Variants in POU2F1 observed in about 807,000 individuals in gnomAD.
The protein encoded by POU2F1 is POU domain, class 2, transcription factor 1.
A neutral mutation model predicts 84.9 loss-of-function variants in POU2F1; 16 were observed. The observed-to-expected ratio is 0.19, with a 90% CI of 0.13 to 0.29. The LOEUF is 0.29. POU2F1 is among the 10% of genes least tolerant of loss of function. The pLI is 1.00. For missense variants in POU2F1, 738 were observed against 942.6 expected, an observed-to-expected ratio of 0.78 and a Z score of 2.84; for synonymous variants, 368 against 368.3, an observed-to-expected ratio of 1.00 and a Z score of 0.01.
At chr1:167,411,889 G>T in intron 13 of POU2F1, 70 bp from the exon 14 acceptor site, 21 of 1,401,960 alleles carry the variant, frequency 1.5e-5, no homozygotes, top group Non-Finnish European at 2.1e-5. Context: ...ATAGAGTTTG[G>T]CTGAGTAAAG....
intron 1 of POU2F1, among the ~76,000 whole-genome samples, chr1:167,307,713 G>GA (rs1391111726): frequency 2.6e-5 from 4 of 152,018 alleles, no homozygotes; most frequent in African/African-American, 4.8e-5. Flanking sequence ...ATAAAACTCA[G>GA]AAAATTAACA....
chr1:167,357,224 T>G (rs1311523456), intron 2 of POU2F1, among the ~76,000 whole-genome samples: 1 of 152,246 alleles, frequency 6.6e-6, no homozygotes, highest in Admixed American at 6.5e-5. Flanking sequence ...CCCCCTTATC[T>G]TCTTCTTAAT....
intron 2 of POU2F1, among the ~76,000 whole-genome samples, chr1:167,363,567 G>A (rs1405325033): frequency 6.6e-6 from 1 of 152,098 alleles, no homozygotes; most frequent in Non-Finnish European, 1.5e-5. Context: ...TGACTAGAAT[G>A]TCTCGTTGTG....
chr1:167,421,395 A>G lies in POU2F1; in HGVS notation c.*5585A>G, dbSNP rs1224474317. 2.6e-5 allele frequency: 4 copies of G among 152,242 alleles called. No homozygotes were observed. Among genetic ancestry groups the G allele is most frequent in the Non-Finnish European group, 5.9e-5 (4 of 68,042 alleles). The allele number at this position is 152,242 out of a possible 1,614,324, so 9.4% of individuals were successfully genotyped here. A position where few individuals can be genotyped will look rare whatever the true frequency, so the allele number is the denominator to read the frequency against. ...ATAGGACACCCCTGAGATTTCCAGTAAGGTATTTGAAAGGATTCCACTGGG... is the reference window on the plus strand; with the variant it reads ...ATAGGACACCCCTGAGATTTCCAGTGAGGTATTTGAAAGGATTCCACTGGG... On this transcript the variant is annotated 3_prime_UTR_variant, in exon 16 of 16. Transcript: ENST00000367866.
chr1:167,234,944 A>G (rs1006608383), intron 1 of POU2F1, among the ~76,000 whole-genome samples: 4 of 152,188 alleles, frequency 2.6e-5, no homozygotes, highest in African/African-American at 9.7e-5. Flanking sequence ...TATGCAAGCA[A>G]ATTATGCAAA....
At chr1:167,283,783 G>A (rs563225906) in intron 1 of POU2F1, among the ~76,000 whole-genome samples, 1 of 152,154 alleles carries the variant, frequency 6.6e-6, no homozygotes, top group Non-Finnish European at 1.5e-5. Context: ...GATGGAAAGT[G>A]TCAAGCGGTC....
At chr1:167,357,745 G>A (rs1403090870) in intron 2 of POU2F1, among the ~76,000 whole-genome samples, 1 of 150,720 alleles carries the variant, frequency 6.6e-6, no homozygotes, top group Non-Finnish European at 1.5e-5. Context: ...CATCTTTTGA[G>A]ATTTCTATAT....
chr1:167,351,413 G>A (rs1365973445), intron 2 of POU2F1, among the ~76,000 whole-genome samples: 1 of 151,330 alleles, frequency 6.6e-6, no homozygotes, highest in East Asian at 1.9e-4. Flanking sequence ...AACTACTTGG[G>A]AGGCTGAGGC....
intron 1 of POU2F1, among the ~76,000 whole-genome samples, chr1:167,316,816 CTTATTTT>C (rs1303154643): frequency 2.6e-5 from 4 of 152,120 alleles, no homozygotes; most frequent in Non-Finnish European, 5.9e-5. Flanking sequence ...CAAAACAAGG[CTTATTTT>C]TTCATGGATT....
chr1:167,396,026 T>C (rs1214701258), intron 9 of POU2F1, among the ~76,000 whole-genome samples: 1 of 152,234 alleles, frequency 6.6e-6, no homozygotes. Flanking sequence ...CATGATTACA[T>C]AAGGTGGCAA....
intron 1 of POU2F1, among the ~76,000 whole-genome samples, chr1:167,233,586 T>G (rs1649229939): frequency 6.6e-6 from 1 of 152,238 alleles, no homozygotes; most frequent in African/African-American, 2.4e-5. Flanking sequence ...CATTTGGGTT[T>G]GTGTAAATAT....
intron 3 of POU2F1, 73 bp from the exon 4 acceptor site, chr1:167,370,088 T>G (rs900543637): frequency 7.6e-7 from 1 of 1,309,098 alleles, no homozygotes; most frequent in African/African-American, 1.5e-5. Context: ...ATAGTAGACT[T>G]TATTTAGTGA....
chr1:167,367,487 C>CT (rs1659758498), intron 3 of POU2F1, among the ~76,000 whole-genome samples: 1 of 152,150 alleles, frequency 6.6e-6, no homozygotes, highest in African/African-American at 2.4e-5. Flanking sequence ...CCTGTACAAT[C>CT]TAAGACATTT....
At chr1:167,260,496 C>T (rs987312374) in intron 1 of POU2F1, among the ~76,000 whole-genome samples, 1 of 151,976 alleles carries the variant, frequency 6.6e-6, no homozygotes, top group African/African-American at 2.4e-5. Context: ...GCTTTTTTAC[C>T]TTTTGATCCT....
intron 1 of POU2F1, among the ~76,000 whole-genome samples, chr1:167,253,684 C>T (rs1262460045): frequency 6.6e-6 from 1 of 152,050 alleles, no homozygotes; most frequent in African/African-American, 2.4e-5. Context: ...GCCTTGACCT[C>T]CCAAAGTGCT....
intron 2 of POU2F1, among the ~76,000 whole-genome samples, chr1:167,339,092 T>G (rs970431536): frequency 4.6e-5 from 7 of 152,156 alleles, no homozygotes; most frequent in African/African-American, 1.7e-4. Flanking sequence ...CCACCTGCAC[T>G]CCTTGGCTTA....
intron 7 of POU2F1, among the ~76,000 whole-genome samples, chr1:167,378,704 C>T (rs984865696): frequency 6.6e-6 from 1 of 151,930 alleles, no homozygotes; most frequent in African/African-American, 2.4e-5. Context: ...CTGCATCAGG[C>T]CTTTTTGTTT....
chr1:167,221,572 C>A (rs1169405765), intron 1 of POU2F1, among the ~76,000 whole-genome samples: 1 of 149,960 alleles, frequency 6.7e-6, no homozygotes, highest in African/African-American at 2.4e-5. Flanking sequence ...GGGGCGCTGC[C>A]CGCCTTGGGG....
chr1:167,370,693 C>T (rs983833306), intron 4 of POU2F1, among the ~76,000 whole-genome samples: 4 of 152,166 alleles, frequency 2.6e-5, no homozygotes, highest in Non-Finnish European at 5.9e-5. Flanking sequence ...CACATAACCT[C>T]CTTGGGTTCA....
Sources: allele counts gnomAD v4.1 joint callset (sites outside exome capture counted in the v4.1 genomes callset), GRCh38; gene constraint gnomAD v4.1.1; transcripts MANE v1.5; gene names NCBI Gene and HGNC (gene_info 2026-07-23, HGNC 2026-07-21).